UHRF2: variants seen among roughly 807,000 people sequenced by gnomAD.
UHRF2 encodes E3 ubiquitin-protein ligase UHRF2.
In UHRF2, 23 loss-of-function variants were observed where a neutral mutation model predicts 96.8. The observed-to-expected ratio is 0.24, with a 90% confidence interval of 0.17 to 0.34. The LOEUF (loss-of-function observed/expected upper bound fraction) is 0.34, where lower values mean the gene tolerates loss of function less well. UHRF2 is among the 10% of genes least tolerant of loss of function. The pLI is 1.00. For synonymous variants in UHRF2, 385 were observed against 332.6 expected, an observed-to-expected ratio of 1.16 and a Z score of -1.72; for missense variants, 685 against 981.5, an observed-to-expected ratio of 0.70 and a Z score of 4.04.
At chr9:6,448,236 A>G (rs1351287786) in intron 3 of UHRF2, among the ~76,000 whole-genome samples, 1 of 152,240 alleles carries the variant, frequency 6.6e-6, no homozygotes, top group Non-Finnish European at 1.5e-5. Flanking sequence ...AGATAAATTA[A>G]TGATAGGTAC....
chr9:6,469,770 ATG>A (rs1213970383), intron 4 of UHRF2, among the ~76,000 whole-genome samples: 2 of 150,400 alleles, frequency 1.3e-5, no homozygotes, highest in South Asian at 2.1e-4. Flanking sequence ...ACACGTATAT[ATG>A]TGTGTATATA....
At chr9:6,449,306 T>G (rs1821710016) in intron 3 of UHRF2, 1 of 152,228 alleles carries the variant, frequency 6.6e-6, no homozygotes, top group Non-Finnish European at 1.5e-5. Context: ...ATTTGGCAAT[T>G]TCTGCCCAAT....
Position 6,493,948 on chromosome 9 carries a change from CTG to C in UHRF2, c.1604+18_1604+19del, listed in dbSNP as rs764297328. Reference sequence around the variant, plus strand: ...ACATGAACAGGTACTACTATAGACACTGTTTAGAATTTGAACATTGAATAAAA... The same window carrying C: ...ACATGAACAGGTACTACTATAGACACTTTAGAATTTGAACATTGAATAAAA... On this transcript the variant is annotated intron_variant, in intron 10 of 15. Coordinates refer to ENST00000276893, the MANE Select transcript of UHRF2 (RefSeq NM_152896.3). 42 of 1,604,884 alleles carry C rather than the reference CTG, an allele frequency of 2.6e-5. No homozygotes were observed. The highest frequency in any genetic ancestry group is 3.3e-5 in the South Asian group (3 of 90,204).
At chr9:6,456,273 T>A (rs1338805130) in intron 3 of UHRF2, among the ~76,000 whole-genome samples, 1 of 152,216 alleles carries the variant, frequency 6.6e-6, no homozygotes. Context: ...GATGTGCGTT[T>A]CTCTAATGAC....
rs761054069 is a variant in UHRF2, at chr9:6,498,172, T to A, written c.1908+14T>A. On this transcript the variant is annotated intron_variant, in intron 12 of 15. Transcript: ENST00000276893. Reference sequence around the variant, plus strand: ...CTACGTTTACAGGTTAGATTACATTTGTCTAGGCTGCCTGTGTGTTCATAA... The same window carrying A: ...CTACGTTTACAGGTTAGATTACATTAGTCTAGGCTGCCTGTGTGTTCATAA... 1.2e-5 allele frequency: 19 copies of A among 1,611,234 alleles called. No homozygotes were observed. The highest frequency in any genetic ancestry group is 1.6e-5 in the Non-Finnish European group (19 of 1,178,998).
At chr9:6,443,900 T>A (rs114715887) in intron 3 of UHRF2, among the ~76,000 whole-genome samples, 102 of 152,360 alleles carry the variant, frequency 6.7e-4, no homozygotes, top group African/African-American at 2.4e-3. Flanking sequence ...TCTGGAGCTA[T>A]TCTCAGTCTG....
At chr9:6,504,086 C>A (rs373927630) in intron 14 of UHRF2, among the ~76,000 whole-genome samples, 1 of 131,184 alleles carries the variant, frequency 7.6e-6, no homozygotes, top group African/African-American at 3.0e-5. Flanking sequence ...AGTGCAGTGG[C>A]GTGATCTCAG....
intron 4 of UHRF2, among the ~76,000 whole-genome samples, chr9:6,463,412 T>C (rs1046084078): frequency 6.6e-6 from 1 of 152,052 alleles, no homozygotes; most frequent in Non-Finnish European, 1.5e-5. Flanking sequence ...ATTAAAGTTT[T>C]TACTAGAAAC....
intron 1 of UHRF2, among the ~76,000 whole-genome samples, chr9:6,414,735 C>T (rs145651451): frequency 6.6e-6 from 1 of 152,170 alleles, no homozygotes; most frequent in Non-Finnish European, 1.5e-5. Context: ...ATTTTCCTCC[C>T]CTTCACAGGC....
At chr9:6,461,997 T>TA (rs60874824) in intron 4 of UHRF2, among the ~76,000 whole-genome samples, 2,860 of 145,902 alleles carry the variant, frequency 0.02, 92 homozygotes, top group African/African-American at 0.062. Context: ...TTTTTGTTTT[T>TA]AAAAAAAAAA....
intron 3 of UHRF2, among the ~76,000 whole-genome samples, chr9:6,438,097 C>G (rs1820957659): frequency 6.6e-6 from 1 of 152,178 alleles, no homozygotes; most frequent in Non-Finnish European, 1.5e-5. Flanking sequence ...GCCAAAAAAA[C>G]TAAATACTTA....
chr9:6,478,509 G>T (rs1413987757), intron 6 of UHRF2, among the ~76,000 whole-genome samples: 1 of 152,120 alleles, frequency 6.6e-6, no homozygotes, highest in African/African-American at 2.4e-5. Flanking sequence ...AATTATACTT[G>T]CCAAAATCTA....
At chr9:6,464,821 C>T (rs941782224) in intron 4 of UHRF2, among the ~76,000 whole-genome samples, 6 of 152,068 alleles carry the variant, frequency 3.9e-5, no homozygotes, top group African/African-American at 1.2e-4. Context: ...AGCACATGAT[C>T]CTGCCTTGTT....
intron 14 of UHRF2, among the ~76,000 whole-genome samples, chr9:6,503,977 T>C (rs1204219476): frequency 6.6e-6 from 1 of 151,050 alleles, no homozygotes; most frequent in African/African-American, 2.5e-5. Flanking sequence ...TCTCAGGTAG[T>C]TAAAAATCAA....
intron 8 of UHRF2, 47 bp downstream of exon 8, chr9:6,482,146 G>C (rs773992677): frequency 6.9e-7 from 1 of 1,439,484 alleles, no homozygotes; most frequent in Non-Finnish European, 9.8e-7. Flanking sequence ...TTGGCTATCA[G>C]ATTATAGCAA....
At chr9:6,487,877 CTA>C (rs969687377) in intron 9 of UHRF2, among the ~76,000 whole-genome samples, 1 of 152,156 alleles carries the variant, frequency 6.6e-6, no homozygotes, top group Non-Finnish European at 1.5e-5. Flanking sequence ...AGTGTTAAAT[CTA>C]TAGAGTTTAT....
intron 14 of UHRF2, among the ~76,000 whole-genome samples, chr9:6,502,008 C>T (rs1180604958): frequency 6.6e-6 from 1 of 152,150 alleles, no homozygotes; most frequent in Non-Finnish European, 1.5e-5. Context: ...TTATTGTGAC[C>T]TTGCTGCTAG....
At chr9:6,466,062 T>C (rs912651713) in intron 4 of UHRF2, among the ~76,000 whole-genome samples, 2 of 152,226 alleles carry the variant, frequency 1.3e-5, no homozygotes, top group African/African-American at 4.8e-5. Context: ...GTAAGTAAAG[T>C]AGTATTTGAA....
intron 2 of UHRF2, chr9:6,423,044 T>C (rs1031234563): frequency 5.8e-6 from 1 of 171,914 alleles, no homozygotes; most frequent in African/African-American, 2.4e-5. Flanking sequence ...TCAGTTGCGA[T>C]AAATGGGCAC....
Sources: gnomAD v4.1 joint callset for allele counts (sites outside exome capture counted in the v4.1 genomes callset) on GRCh38, gnomAD v4.1.1 for gene constraint, MANE v1.5 for transcripts, NCBI Gene and HGNC (gene_info 2026-07-23, HGNC 2026-07-21) for gene names.